The following PLA2R1 variants were observed in gnomAD, a reference collection of about 807,000 sequenced individuals.
PLA2R1 encodes secretory phospholipase A2 receptor.
A neutral mutation model predicts 195.9 loss-of-function variants in PLA2R1; 158 were observed. That is an observed-to-expected ratio of 0.81 (90% confidence interval 0.71 to 0.92). The LOEUF is 0.92. Among genes scored for constraint, PLA2R1 ranks in the 40% least tolerant of loss-of-function variants. The pLI is 0.00. For synonymous variants in PLA2R1, 586 were observed against 598.2 expected (o/e 0.98, Z 0.30); for missense variants, 1,626 against 1,764.6 (o/e 0.92, Z 1.41).
At chr2:159,994,000 C>A (rs1691029538) in intron 11 of PLA2R1, among the ~76,000 whole-genome samples, 1 of 151,492 alleles carries the variant, frequency 6.6e-6, no homozygotes, top group Non-Finnish European at 1.5e-5. Flanking sequence ...TAGGACTATC[C>A]CAGCTATAAG....
At chr2:160,025,691 G>C (rs1280960325) in intron 6 of PLA2R1, among the ~76,000 whole-genome samples, 2 of 144,602 alleles carry the variant, frequency 1.4e-5, no homozygotes, top group East Asian at 4.1e-4. Flanking sequence ...AAATCACAAA[G>C]GTAAACAATA....
chr2:159,987,454 T>A, intron 11 of PLA2R1, 96 bp from the exon 12 acceptor site: 1 of 814,910 alleles, frequency 1.2e-6, no homozygotes, highest in Non-Finnish European at 2.0e-6. Flanking sequence ...TGACATCTCA[T>A]AATTAAGCAC....
chr2:160,017,842 C>T (rs761869451), intron 8 of PLA2R1, among the ~76,000 whole-genome samples: 3 of 152,102 alleles, frequency 2.0e-5, no homozygotes, highest in East Asian at 1.9e-4. Flanking sequence ...AAAAATACAA[C>T]GTCCAGGGCT....
In PLA2R1 at chr2:160,042,170, G is replaced by A. The variant is rs144919268; in HGVS notation, c.522C>T (p.His174=). The change falls in exon 3 of 30, where the codon CAC becomes CAT. Residue 174 remains histidine (H), a synonymous_variant. Coordinates refer to ENST00000283243, the MANE Select transcript of PLA2R1 (RefSeq NM_007366.5). ...GGAAGGGAAACATACACGGCATCCC[G>A]TGGGTGTTCCCTTTGATTGTATGCA... ...KDLHTIKGNT[H]GMPCMFPFQY... 62 of 1,613,772 alleles carry A rather than the reference G, an allele frequency of 3.8e-5. No individual in the cohort carries two copies. In the Middle Eastern group the frequency reaches 6.6e-4, roughly 17 times the overall value.
intron 4 of PLA2R1, among the ~76,000 whole-genome samples, chr2:160,030,624 G>C (rs916334213): frequency 6.6e-6 from 1 of 151,996 alleles, no homozygotes; most frequent in African/African-American, 2.4e-5. Context: ...TTACCTTTAG[G>C]ACTAAGCTGG....
intron 25 of PLA2R1, among the ~76,000 whole-genome samples, chr2:159,947,862 G>T (rs970338215): frequency 2.0e-5 from 3 of 151,676 alleles, no homozygotes; most frequent in Admixed American, 1.3e-4. Context: ...CATCCTAAAG[G>T]TTGGAACAAG....
intron 18 of PLA2R1, among the ~76,000 whole-genome samples, chr2:159,969,834 C>T (rs1219956462): frequency 2.0e-5 from 3 of 152,048 alleles, no homozygotes; most frequent in Non-Finnish European, 2.9e-5. Flanking sequence ...TGAACCACCG[C>T]GCCCAGCTAA....
intron 1 of PLA2R1, among the ~76,000 whole-genome samples, chr2:160,059,256 C>G (rs1158964413): frequency 2.0e-5 from 3 of 152,190 alleles, no homozygotes; most frequent in Non-Finnish European, 4.4e-5. Context: ...CAGTTCCTAA[C>G]AGGCCACAAA....
At chr2:160,052,410 TC>T (rs1471433900) in intron 1 of PLA2R1, among the ~76,000 whole-genome samples, 1 of 152,246 alleles carries the variant, frequency 6.6e-6, no homozygotes, top group Non-Finnish European at 1.5e-5. Context: ...AAATCTCTCT[TC>T]CGTGATTCTT....
intron 18 of PLA2R1, among the ~76,000 whole-genome samples, chr2:159,969,852 G>C (rs1316884911): frequency 6.6e-6 from 1 of 152,134 alleles, no homozygotes; most frequent in Non-Finnish European, 1.5e-5. Context: ...TAAGAGGGTA[G>C]ATTTTATGTT....
At position 159,935,933 on chromosome 2, in the gene PLA2R1, G is replaced by GTATATAAATTAA. The variant is rs1686797641; in HGVS notation, c.*5833_*5844dup. The GTATATAAATTAA allele has an allele frequency of 1.6e-5, 2 of 128,578 alleles. No homozygotes were observed. The highest frequency in any genetic ancestry group is 5.8e-5 in the African/African-American group (2 of 34,284). The allele number at this position is 128,578 out of a possible 1,614,324, so 8.0% of individuals were successfully genotyped here. ...TCATATTTTCCTGCAGTAAAAATAT[G>GTATATAAATTAA]TATATAAATTAATTTTTTTTTTTTT... On this transcript the variant is annotated 3_prime_UTR_variant, in exon 30 of 30. Coordinates refer to ENST00000283243, the MANE Select transcript of PLA2R1 (RefSeq NM_007366.5).
Position 160,062,359 on chromosome 2 carries a change from CG to C in PLA2R1, c.44del (p.Ala15GlyfsTer45). 6.5e-7 allele frequency: 1 copy of C among 1,536,990 alleles called. No individual in the cohort carries two copies. The highest frequency in any genetic ancestry group is 8.8e-7 in the Non-Finnish European group (1 of 1,141,324). On this transcript the variant is annotated frameshift_variant, in exon 1 of 30. Coordinates refer to ENST00000283243, the MANE Select transcript of PLA2R1 (RefSeq NM_007366.5). LOFTEE classifies it high-confidence loss of function. ...PSLLLLLLLG[A>X]PRGCAEGVAA... is the part of the protein sequence containing the mutation. Reference sequence around the variant, plus strand: ...CCACACCCTCGGCGCAGCCCCGCGGCGCCCCCAGCAGCAGCAGCAGCAGCAG... The same window carrying C: ...CCACACCCTCGGCGCAGCCCCGCGGCCCCCCAGCAGCAGCAGCAGCAGCAG...
chr2:159,961,109 A>G (rs1014520121), intron 20 of PLA2R1, among the ~76,000 whole-genome samples: 1 of 152,174 alleles, frequency 6.6e-6, no homozygotes, highest in Non-Finnish European at 1.5e-5. Flanking sequence ...GGCAATCTCA[A>G]AAATATTTCC....
chr2:160,016,125 G>A (rs73004732), intron 9 of PLA2R1, among the ~76,000 whole-genome samples: 7,738 of 152,086 alleles, frequency 0.051, 316 homozygotes, highest in East Asian at 0.2. Flanking sequence ...TTAGCCAGGC[G>A]TAGTGGCGCA....
At chr2:160,039,778 A>AG (rs1443524443) in intron 3 of PLA2R1, among the ~76,000 whole-genome samples, 1 of 152,042 alleles carries the variant, frequency 6.6e-6, no homozygotes, top group Non-Finnish European at 1.5e-5. Context: ...GGAATCTGGC[A>AG]GGCTGTCAAG....
intron 7 of PLA2R1, 131 bp from the exon 8 acceptor site, chr2:160,020,394 T>C: frequency 1.6e-6 from 1 of 638,122 alleles, no homozygotes; most frequent in Non-Finnish European, 2.7e-6. Flanking sequence ...ATGAAATCTG[T>C]TTAAGTCTTG....
chr2:159,951,296 AACTTAAT>A (rs754136442), intron 24 of PLA2R1, 37 bp downstream of exon 24: 1 of 1,104,022 alleles, frequency 9.1e-7, no homozygotes, highest in Admixed American at 1.8e-5. Context: ...GTAGATGCTA[AACTTAAT>A]TATTCAAGGA....
At chr2:160,026,282 G>A (rs1320580739) in intron 6 of PLA2R1, among the ~76,000 whole-genome samples, 1 of 152,112 alleles carries the variant, frequency 6.6e-6, no homozygotes, top group African/African-American at 2.4e-5. Flanking sequence ...GCTCATTTTT[G>A]AAACCTTTTT....
At chr2:159,931,131 G>C (rs1037597402), downstream of PLA2R1, among the ~76,000 whole-genome samples, 2 of 152,222 alleles carry the variant, frequency 1.3e-5, no homozygotes, top group African/African-American at 4.8e-5. Context: ...AGTCCAGGCT[G>C]CTCCACCCAT....
Sources: gnomAD v4.1 joint callset for allele counts (sites outside exome capture counted in the v4.1 genomes callset) on GRCh38, gnomAD v4.1.1 for gene constraint, MANE v1.5 for transcripts, NCBI Gene and HGNC (gene_info 2026-07-23, HGNC 2026-07-21) for gene names.